FER: variants seen among roughly 807,000 people sequenced by gnomAD.
FER encodes the protein FER tyrosine kinase.
A neutral mutation model predicts 111.0 loss-of-function variants in FER; 63 were observed. The ratio of observed to expected loss-of-function variants is 0.57; its 90% confidence interval spans 0.46 to 0.70. The LOEUF is 0.70. Among genes scored for constraint, FER ranks in the 30% least tolerant of loss-of-function variants. The pLI, the probability that FER is intolerant of heterozygous loss-of-function variation, is 0.00. For synonymous variants in FER, 327 were observed against 313.9 expected, an observed-to-expected ratio of 1.04 and a Z score of -0.44; for missense variants, 914 against 954.0, an observed-to-expected ratio of 0.96 and a Z score of 0.55.
intron 13 of FER, among the ~76,000 whole-genome samples, chr5:109,032,141 C>A (rs1244313623): frequency 6.6e-6 from 1 of 152,128 alleles, no homozygotes; most frequent in Non-Finnish European, 1.5e-5. Flanking sequence ...GGAGTGGTGG[C>A]TTCTGTGGGC....
intron 17 of FER, among the ~76,000 whole-genome samples, chr5:109,157,131 T>C (rs1165628275): frequency 6.6e-6 from 1 of 152,134 alleles, no homozygotes; most frequent in Non-Finnish European, 1.5e-5. Flanking sequence ...ATGATGAAGC[T>C]TGGTATAGCC....
chr5:109,108,031 G>C (rs1166351191), intron 17 of FER, among the ~76,000 whole-genome samples: 2 of 152,092 alleles, frequency 1.3e-5, no homozygotes, highest in Admixed American at 6.6e-5. Flanking sequence ...CCTAGAGCTA[G>C]AGGAGCCAAT....
intron 2 of FER, among the ~76,000 whole-genome samples, chr5:108,776,884 T>C (rs992760961): frequency 1.3e-5 from 2 of 152,262 alleles, no homozygotes; most frequent in African/African-American, 2.4e-5. Context: ...TTTTGCTTTT[T>C]AAAAATATAC....
chr5:108,766,420 C>T lies in FER; in HGVS notation c.-205-1673C>T, dbSNP rs919965730. Among the ~76,000 whole-genome samples, 4 of 152,270 alleles carry T rather than the reference C, an allele frequency of 2.6e-5. No individual in the cohort carries two copies. In the East Asian group the frequency reaches 5.8e-4, roughly 22 times the overall value. On this transcript the variant is annotated intron_variant, in intron 1 of 19. Coordinates refer to ENST00000281092, the MANE Select transcript of FER (RefSeq NM_005246.4). ...TGTGTTCCAGGTACTATGCAAGTGG[C>T]TGACTGTGTTAAGATAGAAATTCTT...
At chr5:108,983,777 C>T (rs1377535626) in intron 13 of FER, among the ~76,000 whole-genome samples, 3 of 152,112 alleles carry the variant, frequency 2.0e-5, no homozygotes, top group Non-Finnish European at 4.4e-5. Flanking sequence ...GATTTCAAGT[C>T]CTTCTAGGTC....
intron 13 of FER, among the ~76,000 whole-genome samples, chr5:108,972,953 A>G (rs1441087226): frequency 6.6e-6 from 1 of 152,158 alleles, no homozygotes; most frequent in Non-Finnish European, 1.5e-5. Context: ...GAAACTTCAT[A>G]AATGTTTTTG....
At chr5:109,160,877 A>G (rs544582395) in intron 17 of FER, among the ~76,000 whole-genome samples, 1 of 152,266 alleles carries the variant, frequency 6.6e-6, no homozygotes, top group South Asian at 2.1e-4. Context: ...TAGTACCTGA[A>G]CTTTCTCTTG....
chr5:109,055,240 G>T (rs369590345), intron 16 of FER, among the ~76,000 whole-genome samples: 2 of 152,206 alleles, frequency 1.3e-5, no homozygotes, highest in East Asian at 3.9e-4. Context: ...AAAACTCTGG[G>T]ACATTGGCCT....
At chr5:108,912,071 G>A (rs1265976413) in intron 10 of FER, among the ~76,000 whole-genome samples, 1 of 152,102 alleles carries the variant, frequency 6.6e-6, no homozygotes, top group African/African-American at 2.4e-5. Context: ...CTCGTCTGCT[G>A]CCATGTAAGA....
intron 6 of FER, among the ~76,000 whole-genome samples, chr5:108,870,748 A>G (rs921806868): frequency 1.3e-5 from 2 of 152,102 alleles, no homozygotes; most frequent in Non-Finnish European, 2.9e-5. Flanking sequence ...TTTTTACAGT[A>G]TAGCATTTTT....
chr5:108,914,654 G>A (rs1021121306), intron 10 of FER, among the ~76,000 whole-genome samples: 5 of 152,128 alleles, frequency 3.3e-5, no homozygotes, highest in Non-Finnish European at 7.3e-5. Context: ...GGTGAAATCA[G>A]CATGGAAGTA....
intron 13 of FER, among the ~76,000 whole-genome samples, chr5:109,005,784 G>A (rs796845476): frequency 6.6e-6 from 1 of 152,134 alleles, no homozygotes; most frequent in Non-Finnish European, 1.5e-5. Context: ...CATGTGTTCT[G>A]CCTTCCTGTG....
intron 13 of FER, among the ~76,000 whole-genome samples, chr5:109,002,164 A>C (rs1764867911): frequency 1.3e-5 from 2 of 151,388 alleles, no homozygotes; most frequent in South Asian, 4.2e-4. Flanking sequence ...CGCATTGCCA[A>C]GTCACTCCTA....
At chr5:108,876,318 C>T (rs979500997) in intron 8 of FER, among the ~76,000 whole-genome samples, 3 of 152,186 alleles carry the variant, frequency 2.0e-5, no homozygotes, top group African/African-American at 7.2e-5. Flanking sequence ...CATGCTCATT[C>T]ACTTACCTGC....
At chr5:109,116,349 A>C (rs1006344705) in intron 17 of FER, among the ~76,000 whole-genome samples, 6 of 151,964 alleles carry the variant, frequency 3.9e-5, no homozygotes, top group Admixed American at 3.9e-4. Context: ...TCTTTGTTTA[A>C]AACTTGTTTC....
intron 5 of FER, among the ~76,000 whole-genome samples, chr5:108,863,950 G>A (rs1248158113): frequency 6.6e-6 from 1 of 152,060 alleles, no homozygotes; most frequent in Non-Finnish European, 1.5e-5. Context: ...CTAAATTAAT[G>A]TACTTGCTTC....
chr5:109,182,851 T>G (rs1758421689), intron 18 of FER, among the ~76,000 whole-genome samples: 1 of 152,210 alleles, frequency 6.6e-6, no homozygotes, highest in Admixed American at 6.5e-5. Flanking sequence ...CTAAAGATTT[T>G]TTTTAATTGA....
At chr5:108,869,308 C>G (rs1251264558) in intron 6 of FER, among the ~76,000 whole-genome samples, 1 of 152,032 alleles carries the variant, frequency 6.6e-6, no homozygotes, top group Non-Finnish European at 1.5e-5. Context: ...ATTCACAAAG[C>G]TAAGAGGTGG....
intron 16 of FER, among the ~76,000 whole-genome samples, chr5:109,063,993 C>T (rs1714712532): frequency 1.3e-5 from 2 of 152,250 alleles, no homozygotes; most frequent in African/African-American, 4.8e-5. Context: ...TGTCATTTTA[C>T]ATCATGCGTA....
Sources: gnomAD v4.1 joint callset for allele counts (sites outside exome capture counted in the v4.1 genomes callset) on GRCh38, gnomAD v4.1.1 for gene constraint, MANE v1.5 for transcripts, NCBI Gene and HGNC (gene_info 2026-07-23, HGNC 2026-07-21) for gene names.